Variants in PALLD observed in about 807,000 individuals in gnomAD.
The protein encoded by PALLD is palladin.
PALLD carries 61 observed loss-of-function variants against 123.5 expected under a neutral mutation model. That is an observed-to-expected ratio of 0.49 (90% CI 0.40 to 0.61). The LOEUF (loss-of-function observed/expected upper bound fraction) is 0.61, where lower values mean the gene tolerates loss of function less well. Ranked by LOEUF, PALLD falls within the 20% of genes least tolerant of loss-of-function variation. PALLD has a pLI of 0.00. For missense variants in PALLD, 1,273 were observed against 1,377.0 expected (o/e 0.92, Z 1.20); for synonymous variants, 465 against 496.4 (o/e 0.94, Z 0.84).
chr4:168,846,164 C>T (rs758721868), intron 10 of PALLD, among the ~76,000 whole-genome samples: 5 of 152,328 alleles, frequency 3.3e-5, no homozygotes, highest in African/African-American at 7.2e-5. Context: ...GCCCACTGCA[C>T]GCTTTACTAT....
At chr4:168,797,019 T>C (rs1404126118) in intron 10 of PALLD, among the ~76,000 whole-genome samples, 2 of 152,196 alleles carry the variant, frequency 1.3e-5, no homozygotes, top group Non-Finnish European at 2.9e-5. Flanking sequence ...TTACTTGTTT[T>C]ATTTCCCAAG....
intron 10 of PALLD, among the ~76,000 whole-genome samples, chr4:168,719,482 A>T (rs1006362419): frequency 4.0e-5 from 6 of 151,094 alleles, no homozygotes; most frequent in East Asian, 1.9e-4. Flanking sequence ...CTGGTCTTGA[A>T]CTCCTCACCT....
In PALLD at chr4:168,924,924, T is replaced by A. The variant is rs756363802; in HGVS notation, c.3225-21T>A. ...ACTTTTAAAAAATTTAGAACCCTAATGACTTTATCCTTTTCTCCAGCATGC... is the reference window on the plus strand; with the variant it reads ...ACTTTTAAAAAATTTAGAACCCTAAAGACTTTATCCTTTTCTCCAGCATGC... On this transcript the variant is annotated intron_variant, in intron 19 of 21. Coordinates refer to ENST00000505667, the MANE Select transcript of PALLD (RefSeq NM_001166108.2). 2.4e-5 allele frequency: 38 copies of A among 1,613,886 alleles called. No individual in the cohort carries two copies. The Admixed American group carries it at 6.3e-4, about 27-fold the overall frequency.
intron 10 of PALLD, among the ~76,000 whole-genome samples, chr4:168,860,736 C>T (rs1749341195): frequency 6.6e-6 from 1 of 152,200 alleles, no homozygotes; most frequent in Non-Finnish European, 1.5e-5. Context: ...GCACAAGAAT[C>T]ACTTGAACCC....
chr4:168,692,165 T>C (rs1476930140), intron 8 of PALLD, among the ~76,000 whole-genome samples: 2 of 152,166 alleles, frequency 1.3e-5, no homozygotes, highest in Non-Finnish European at 2.9e-5. Flanking sequence ...CTCTGACTCT[T>C]CTTGGGGGAA....
rs2126629933 is a variant in PALLD at position 168,927,223 on chromosome 4, G to A, written c.*1043G>A. On this transcript the variant is annotated 3_prime_UTR_variant, in exon 22 of 22. Transcript: ENST00000505667. ...GTTTGGAAGGAGTAGGGAGGAGAAT[G>A]AAGGAAAATGCAACCAGCATGATTA... The A allele has an allele frequency of 4.3e-6, 1 of 231,234 alleles. No homozygotes were observed. Among genetic ancestry groups the A allele is most frequent in the Non-Finnish European group, 8.6e-6 (1 of 116,482 alleles). 14.3% of individuals were successfully genotyped at this position (231,234 alleles called of 1,614,324 possible). A position where few individuals can be genotyped will look rare whatever the true frequency, so the allele number is the denominator to read the frequency against.
chr4:168,563,153 T>A (rs180959126), intron 2 of PALLD, among the ~76,000 whole-genome samples: 1 of 152,166 alleles, frequency 6.6e-6, no homozygotes, highest in Non-Finnish European at 1.5e-5. Context: ...GGTGGGCAGG[T>A]TTCACAGGCA....
At chr4:168,580,372 A>G (rs1396045832) in intron 2 of PALLD, among the ~76,000 whole-genome samples, 1 of 152,060 alleles carries the variant, frequency 6.6e-6, no homozygotes, top group Non-Finnish European at 1.5e-5. Flanking sequence ...CATATGAAAA[A>G]AATGCTCAAT....
intron 10 of PALLD, among the ~76,000 whole-genome samples, chr4:168,881,521 G>A (rs775320015): frequency 1.3e-5 from 2 of 149,280 alleles, no homozygotes; most frequent in Non-Finnish European, 3.0e-5. Context: ...GTGAGCCGGA[G>A]AGAGGTTGAC....
intron 2 of PALLD, among the ~76,000 whole-genome samples, chr4:168,529,609 C>T (rs1048178747): frequency 7.9e-5 from 12 of 152,148 alleles, no homozygotes; most frequent in Non-Finnish European, 1.6e-4. Context: ...TAAGAACAAT[C>T]GTTTAATATA....
chr4:168,779,907 T>C (rs1190587235), intron 10 of PALLD, among the ~76,000 whole-genome samples: 1 of 139,704 alleles, frequency 7.2e-6, no homozygotes, highest in Admixed American at 7.1e-5. Context: ...CTATACATTC[T>C]TTTTTTTTTT....
intron 2 of PALLD, among the ~76,000 whole-genome samples, chr4:168,641,221 A>AAG (rs200924615): frequency 6.6e-6 from 1 of 151,110 alleles, no homozygotes; most frequent in African/African-American, 2.4e-5. Flanking sequence ...AAAAAAAAAA[A>AAG]AGAGAGAGAT....
intron 2 of PALLD, among the ~76,000 whole-genome samples, chr4:168,519,399 A>C (rs1031512451): frequency 6.6e-6 from 1 of 152,240 alleles, no homozygotes; most frequent in Non-Finnish European, 1.5e-5. Context: ...TTTACCCCAT[A>C]AAAACCATCC....
chr4:168,658,809 C>A (rs534197704), intron 2 of PALLD, among the ~76,000 whole-genome samples: 1 of 152,096 alleles, frequency 6.6e-6, no homozygotes, highest in Non-Finnish European at 1.5e-5. Flanking sequence ...GGTTTTGGTT[C>A]AAATTCTATT....
At chr4:168,921,807 T>G in intron 18 of PALLD, 66 bp downstream of exon 18, 1 of 1,223,630 alleles carries the variant, frequency 8.2e-7, no homozygotes, top group Non-Finnish European at 1.2e-6. Context: ...TGTAAACTAA[T>G]TCTACATTAC....
At chr4:168,633,377 G>A (rs781082354) in intron 2 of PALLD, among the ~76,000 whole-genome samples, 7 of 152,194 alleles carry the variant, frequency 4.6e-5, no homozygotes, top group Non-Finnish European at 8.8e-5. Context: ...GAAATGGAAA[G>A]TTATCCTTGG....
intron 2 of PALLD, among the ~76,000 whole-genome samples, chr4:168,663,351 A>G (rs563836943): frequency 6.6e-6 from 1 of 152,242 alleles, no homozygotes; most frequent in Admixed American, 6.5e-5. Context: ...TTGCCTAGGA[A>G]CCCACAGGAA....
chr4:168,762,063 A>G (rs1733021188), intron 10 of PALLD, among the ~76,000 whole-genome samples: 1 of 147,286 alleles, frequency 6.8e-6, no homozygotes, highest in Non-Finnish European at 1.5e-5. Context: ...TAGTCCATAA[A>G]CATTGCGAAG....
At chr4:168,544,238 G>A (rs1164678884) in intron 2 of PALLD, among the ~76,000 whole-genome samples, 1 of 152,218 alleles carries the variant, frequency 6.6e-6, no homozygotes, top group Non-Finnish European at 1.5e-5. Context: ...GCACATTTCT[G>A]CATATCCTGC....
Sources: gnomAD v4.1 joint callset for allele counts (sites outside exome capture counted in the v4.1 genomes callset) on GRCh38, gnomAD v4.1.1 for gene constraint, MANE v1.5 for transcripts, NCBI Gene and HGNC (gene_info 2026-07-23, HGNC 2026-07-21) for gene names.